Variants in TESPA1 observed in about 807,000 individuals in gnomAD.
TESPA1 encodes the protein protein TESPA1.
A neutral mutation model predicts 57.9 loss-of-function variants in TESPA1; 33 were observed. The ratio of observed to expected loss-of-function variants is 0.57; its 90% CI spans 0.43 to 0.76. TESPA1 has a LOEUF of 0.76. TESPA1 is among the 30% of genes least tolerant of loss of function. TESPA1 has a pLI of 0.00. For missense variants in TESPA1, 618 were observed against 632.9 expected (o/e 0.98, Z 0.25); for synonymous variants, 227 against 228.9 (o/e 0.99, Z 0.07).
At chr12:54,962,300 A>T in intron 9 of TESPA1, 131 bp downstream of exon 9, 1 of 1,093,606 alleles carries the variant, frequency 9.1e-7, no homozygotes, top group Non-Finnish European at 1.3e-6. Context: ...AATTGAAATC[A>T]GAAAGTGGTA....
In TESPA1 at chr12:54,967,765, A is replaced by AAACACGGGG. The variant is rs1951539637; in HGVS notation, c.256+77_256+78insCCCCGTGTT. On this transcript the variant is annotated intron_variant, in intron 4 of 10. Transcript: ENST00000449076. ...CATGCCTATGCATGTATATGTGCAT[A>AAACACGGGG]AACACTCACATACACACACGCACAG... is the stretch of plus-strand genomic sequence containing the variant. 5 of 1,522,314 alleles carry AAACACGGGG rather than the reference A, an allele frequency of 3.3e-6. No homozygotes were observed. The East Asian group carries it at 9.0e-5, about 28-fold the overall frequency. 94.3% of individuals were successfully genotyped at this position (1,522,314 alleles called of 1,614,324 possible). A position where few individuals can be genotyped will look rare whatever the true frequency, so the allele number is the denominator to read the frequency against.
intron 3 of TESPA1, among the ~76,000 whole-genome samples, chr12:54,968,928 G>A (rs542097104): frequency 2.3e-4 from 35 of 151,482 alleles, no homozygotes; most frequent in South Asian, 2.1e-3. Context: ...ACTTCATGGC[G>A]TGTGTAACAG....
chr12:54,973,643 A>G, intron 2 of TESPA1, 124 bp from the exon 3 acceptor site: 1 of 1,542,056 alleles, frequency 6.5e-7, no homozygotes, highest in Non-Finnish European at 8.7e-7. Flanking sequence ...TTTTCTACAT[A>G]AAGCTTTTCT....
intron 5 of TESPA1, 42 bp downstream of exon 5, chr12:54,967,141 T>C: frequency 1.2e-6 from 2 of 1,608,062 alleles, no homozygotes; most frequent in South Asian, 1.1e-5. Flanking sequence ...ACAATGTATA[T>C]CCTGTTTTCT....
chr12:54,966,224 G>A, intron 6 of TESPA1, 73 bp from the exon 7 acceptor site: 1 of 1,562,182 alleles, frequency 6.4e-7, no homozygotes, highest in Non-Finnish European at 8.7e-7. Flanking sequence ...AATCCCTGCT[G>A]GACTTATTCA....
At chr12:54,983,681 G>A (rs1218636079) in intron 1 of TESPA1, among the ~76,000 whole-genome samples, 1 of 152,094 alleles carries the variant, frequency 6.6e-6, no homozygotes, top group Non-Finnish European at 1.5e-5. Context: ...TCTTGTCCTT[G>A]CCCTGCCCTG....
intron 5 of TESPA1, 38 bp downstream of exon 5, chr12:54,967,145 G>A (rs754057125): frequency 6.2e-7 from 1 of 1,609,952 alleles, no homozygotes; most frequent in Admixed American, 1.7e-5. Context: ...TGTATATCCT[G>A]TTTTCTCATC....
chr12:54,963,344 G>C (rs1318300454), intron 8 of TESPA1, 102 bp from the exon 9 acceptor site: 2 of 1,180,254 alleles, frequency 1.7e-6, no homozygotes, highest in East Asian at 5.1e-5. Flanking sequence ...TCAGGGAGAA[G>C]CTTCCAATTT....
intron 8 of TESPA1, among the ~76,000 whole-genome samples, 195 bp from the exon 9 acceptor site, chr12:54,963,437 A>G (rs1219462012): frequency 5.9e-5 from 9 of 152,184 alleles, no homozygotes; most frequent in Admixed American, 6.5e-5. Context: ...TCCCATGTAG[A>G]TATTCCAACT....
intron 7 of TESPA1, among the ~76,000 whole-genome samples, chr12:54,965,816 C>T (rs1423932172): frequency 6.6e-6 from 1 of 152,178 alleles, no homozygotes; most frequent in East Asian, 1.9e-4. Context: ...TCCTGGGGTA[C>T]AAGTTTCAGT....
At chr12:54,959,986 A>G (rs1259229653) in intron 10 of TESPA1, among the ~76,000 whole-genome samples, 2 of 152,240 alleles carry the variant, frequency 1.3e-5, no homozygotes, top group Non-Finnish European at 2.9e-5. Context: ...ACCACAGAGA[A>G]TTAGAATTAA....
intron 10 of TESPA1, among the ~76,000 whole-genome samples, chr12:54,951,917 G>A (rs550065671): frequency 5.9e-4 from 89 of 150,146 alleles, no homozygotes; most frequent in African/African-American, 2.0e-3. Flanking sequence ...TCCTCATGCC[G>A]TCACCTATTA....
At chr12:54,978,364 A>G (rs1952205497) in intron 1 of TESPA1, among the ~76,000 whole-genome samples, 1 of 152,200 alleles carries the variant, frequency 6.6e-6, no homozygotes, top group Non-Finnish European at 1.5e-5. Flanking sequence ...CCTCTAGGAA[A>G]GGGATTGGCT....
intron 10 of TESPA1, among the ~76,000 whole-genome samples, chr12:54,955,389 T>C (rs1157577154): frequency 2.6e-5 from 4 of 152,236 alleles, no homozygotes; most frequent in Non-Finnish European, 5.9e-5. Flanking sequence ...CCAGTCTCAA[T>C]GGGCAGGTGG....
At chr12:54,955,750 C>T (rs748313558) in intron 10 of TESPA1, among the ~76,000 whole-genome samples, 11 of 152,126 alleles carry the variant, frequency 7.2e-5, no homozygotes, top group Non-Finnish European at 1.2e-4. Flanking sequence ...TCTTTTACAC[C>T]TTTGTGGAGT....
At chr12:54,952,851 A>G (rs1370726456) in intron 10 of TESPA1, among the ~76,000 whole-genome samples, 1 of 151,998 alleles carries the variant, frequency 6.6e-6, no homozygotes, top group Non-Finnish European at 1.5e-5. Context: ...TTTTTACTTC[A>G]TTCTTAATAA....
intron 7 of TESPA1, among the ~76,000 whole-genome samples, chr12:54,964,374 A>T (rs1168916128): frequency 6.6e-6 from 1 of 152,258 alleles, no homozygotes; most frequent in African/African-American, 2.4e-5. Context: ...TGTAAGAAAC[A>T]TAGAACCCCT....
At chr12:54,952,287 T>C (rs925961527) in intron 10 of TESPA1, among the ~76,000 whole-genome samples, 1 of 152,244 alleles carries the variant, frequency 6.6e-6, no homozygotes, top group Non-Finnish European at 1.5e-5. Flanking sequence ...AATAAATTTC[T>C]TTTATAAAGT....
At chr12:54,957,615 T>G (rs1320502009) in intron 10 of TESPA1, among the ~76,000 whole-genome samples, 2 of 152,166 alleles carry the variant, frequency 1.3e-5, no homozygotes, top group African/African-American at 4.8e-5. Flanking sequence ...GTTAAACAAA[T>G]GCACAGGACA....
Sources: allele counts gnomAD v4.1 joint callset (sites outside exome capture counted in the v4.1 genomes callset), GRCh38; gene constraint gnomAD v4.1.1; transcripts MANE v1.5; gene names NCBI Gene and HGNC (gene_info 2026-07-23, HGNC 2026-07-21).